The following SDK1 variants were observed in gnomAD, a reference collection of about 807,000 sequenced individuals.
The protein encoded by SDK1 is sidekick cell adhesion molecule 1.
A neutral mutation model predicts 245.5 loss-of-function variants in SDK1; 157 were observed. The ratio of observed to expected loss-of-function variants is 0.64; its 90% confidence interval spans 0.56 to 0.73. SDK1 has a LOEUF of 0.73. Ranked by LOEUF, SDK1 falls within the 30% of genes least tolerant of loss-of-function variation. The pLI is 0.00. For missense variants in SDK1, 3,583 were observed against 3,002.3 expected (o/e 1.19, Z -4.52); for synonymous variants, 1,647 against 1,278.5 (o/e 1.29, Z -6.15).
chr7:4,232,649 T>A (rs1420313640), intron 40 of SDK1, among the ~76,000 whole-genome samples: 1 of 151,468 alleles, frequency 6.6e-6, no homozygotes, highest in Non-Finnish European at 1.5e-5. Flanking sequence ...AAATTGTGCA[T>A]ATATATGTTT....
intron 4 of SDK1, among the ~76,000 whole-genome samples, chr7:3,759,891 G>A (rs999688553): frequency 6.6e-6 from 1 of 151,960 alleles, no homozygotes; most frequent in African/African-American, 2.4e-5. Context: ...CTGTGCCCAG[G>A]CTTTTCCCCA....
At chr7:4,085,333 G>T (rs1781360574) in intron 22 of SDK1, among the ~76,000 whole-genome samples, 1 of 152,082 alleles carries the variant, frequency 6.6e-6, no homozygotes, top group Non-Finnish European at 1.5e-5. Context: ...TACCATGGAA[G>T]TGTAATATAT....
At chr7:3,604,078 G>A (rs919000627) in intron 1 of SDK1, among the ~76,000 whole-genome samples, 152 of 152,216 alleles carry the variant, frequency 1.0e-3, no homozygotes, top group African/African-American at 2.4e-3. Flanking sequence ...GCTGGATTTC[G>A]GTTTGCCAGT....
chr7:3,601,195 T>G (rs914023270), intron 1 of SDK1, among the ~76,000 whole-genome samples: 2 of 152,172 alleles, frequency 1.3e-5, no homozygotes, highest in African/African-American at 4.8e-5. Flanking sequence ...TTTTTGTATT[T>G]GTCAAGATTT....
At chr7:4,258,490 C>T (rs1228733998) in intron 44 of SDK1, among the ~76,000 whole-genome samples, 2 of 152,196 alleles carry the variant, frequency 1.3e-5, no homozygotes, top group Non-Finnish European at 2.9e-5. Flanking sequence ...ATAAGACTCA[C>T]CCATATAAAT....
At chr7:3,623,576 C>T (rs190069791) in intron 2 of SDK1, among the ~76,000 whole-genome samples, 2 of 152,238 alleles carry the variant, frequency 1.3e-5, no homozygotes, top group Admixed American at 1.3e-4. Flanking sequence ...CTCATGTCTA[C>T]ATTTTGGTGG....
intron 4 of SDK1, among the ~76,000 whole-genome samples, chr7:3,724,233 G>A (rs780917858): frequency 2.1e-4 from 32 of 152,022 alleles, no homozygotes; most frequent in Admixed American, 4.6e-4. Context: ...CCAAATTGCT[G>A]GGATTACAGG....
chr7:3,385,895 A>G (rs1781598508), intron 1 of SDK1, among the ~76,000 whole-genome samples: 1 of 152,104 alleles, frequency 6.6e-6, no homozygotes. Context: ...TGTCAGATGT[A>G]TAGGTTAGTT....
At chr7:3,551,852 T>G (rs1306050593) in intron 1 of SDK1, among the ~76,000 whole-genome samples, 1 of 152,072 alleles carries the variant, frequency 6.6e-6, no homozygotes, top group African/African-American at 2.4e-5. Flanking sequence ...AAATTTTTTT[T>G]TGTTGTTGTT....
intron 4 of SDK1, among the ~76,000 whole-genome samples, chr7:3,777,565 A>T (rs1780602684): frequency 6.6e-6 from 1 of 152,204 alleles, no homozygotes; most frequent in African/African-American, 2.4e-5. Flanking sequence ...TGATGTGCCC[A>T]GCAGCAGGCT....
At chr7:4,047,698 G>T (rs150156473) in intron 17 of SDK1, among the ~76,000 whole-genome samples, 27 of 152,272 alleles carry the variant, frequency 1.8e-4, no homozygotes, top group African/African-American at 6.5e-4. Flanking sequence ...CTCCTCCCGC[G>T]CTCTGTGACG....
chr7:4,262,633 G>T (rs1317500052), intron 44 of SDK1, among the ~76,000 whole-genome samples: 1 of 146,382 alleles, frequency 6.8e-6, no homozygotes, highest in African/African-American at 2.5e-5. Context: ...CCCACCCTCG[G>T]AGGTCTCTGT....
chr7:3,613,976 C>A (rs1255997767), intron 1 of SDK1, among the ~76,000 whole-genome samples: 1 of 152,000 alleles, frequency 6.6e-6, no homozygotes, highest in South Asian at 2.1e-4. Context: ...CCTGTTGGAG[C>A]GTGGAGGATG....
At chr7:3,951,144 G>T in intron 6 of SDK1, 110 bp downstream of exon 6, 1 of 813,510 alleles carries the variant, frequency 1.2e-6, no homozygotes, top group Non-Finnish European at 2.1e-6. Flanking sequence ...AGCGACAGTG[G>T]TCTTGTTTGG....
chr7:3,342,558 A>G (rs575558767), intron 1 of SDK1, among the ~76,000 whole-genome samples: 2 of 152,266 alleles, frequency 1.3e-5, no homozygotes, highest in East Asian at 3.9e-4. Context: ...GTTGCACTCC[A>G]GCCTAGGCAA....
At chr7:3,681,982 A>G (rs951595172) in intron 4 of SDK1, among the ~76,000 whole-genome samples, 1 of 152,212 alleles carries the variant, frequency 6.6e-6, no homozygotes, top group Non-Finnish European at 1.5e-5. Context: ...TAACATAATC[A>G]AATGTTTTAA....
At chr7:3,612,743 G>T (rs1375252088) in intron 1 of SDK1, among the ~76,000 whole-genome samples, 1 of 152,178 alleles carries the variant, frequency 6.6e-6, no homozygotes, top group Non-Finnish European at 1.5e-5. Flanking sequence ...TGTGGCAAAA[G>T]CGGAGTTCAG....
chr7:3,832,369 T>A (rs1388087731), intron 5 of SDK1, among the ~76,000 whole-genome samples: 1 of 152,248 alleles, frequency 6.6e-6, no homozygotes, highest in Non-Finnish European at 1.5e-5. Context: ...TTGGTCACCT[T>A]TTGGTAGCAG....
At chr7:3,906,056 G>A (rs756157729) in intron 5 of SDK1, among the ~76,000 whole-genome samples, 5 of 151,694 alleles carry the variant, frequency 3.3e-5, no homozygotes, top group East Asian at 1.9e-4. Flanking sequence ...CCCATTCATC[G>A]TTTCTGTCTC....
Sources: allele counts gnomAD v4.1 joint callset (sites outside exome capture counted in the v4.1 genomes callset), GRCh38; gene constraint gnomAD v4.1.1; transcripts MANE v1.5; gene names NCBI Gene and HGNC (gene_info 2026-07-23, HGNC 2026-07-21).